CACNG2: variants seen among roughly 807,000 people sequenced by gnomAD.
CACNG2 encodes the protein voltage-dependent calcium channel gamma-2 subunit.
A neutral mutation model predicts 25.9 loss-of-function variants in CACNG2; 3 were observed. That is an observed-to-expected ratio of 0.12 (90% confidence interval 0.05 to 0.30). The LOEUF (loss-of-function observed/expected upper bound fraction) is 0.30. Ranked by LOEUF, CACNG2 falls within the 10% of genes least tolerant of loss-of-function variation. The probability of loss-of-function intolerance (pLI) is 1.00; values close to 1 mark genes in which losing one functional copy is unlikely to be tolerated. For synonymous variants in CACNG2, 167 were observed against 173.3 expected (o/e 0.96, Z 0.29); for missense variants, 341 against 432.5 (o/e 0.79, Z 1.88).
chr22:36,647,898 C>T (rs73884123), intron 1 of CACNG2, among the ~76,000 whole-genome samples: 20,874 of 152,198 alleles, frequency 0.14, 3,840 homozygotes, highest in African/African-American at 0.42. Context: ...CATGTGCATA[C>T]GTGTGTATAT....
At chr22:36,615,754 C>T (rs1021997076) in intron 1 of CACNG2, among the ~76,000 whole-genome samples, 1 of 120,456 alleles carries the variant, frequency 8.3e-6, no homozygotes, top group Non-Finnish European at 1.8e-5. Context: ...GTAGCAGGTG[C>T]TCAGTAAATA....
At chr22:36,632,820 C>A (rs1299985486) in intron 1 of CACNG2, among the ~76,000 whole-genome samples, 1 of 151,702 alleles carries the variant, frequency 6.6e-6, no homozygotes, top group African/African-American at 2.4e-5. Flanking sequence ...ATCCTCAAAC[C>A]TCTCTTCTCT....
chr22:36,655,694 CCTTT>C lies in CACNG2; in HGVS notation c.211+46668_211+46671del, dbSNP rs200916543. On this transcript the variant is annotated intron_variant, in intron 1 of 3. Transcript: ENST00000300105. ...CTTTCTCTTCCTTTCTTCCTTCCTT[CCTTT>C]CTTTCTTTCTCTTTCTCTTTCTTTC... Among the ~76,000 whole-genome samples the C allele has an allele frequency of 9.1e-3, 1,385 of 151,524 alleles. 30 individuals are homozygous for C. The highest frequency in any genetic ancestry group is 0.032 in the African/African-American group (1,293 of 41,008).
At position 36,628,778 on chromosome 22, in the gene CACNG2, C is replaced by A. The variant is rs185905789; in HGVS notation, c.212-41230G>T. On this transcript the variant is annotated intron_variant, in intron 1 of 3. Coordinates refer to ENST00000300105, the MANE Select transcript of CACNG2 (RefSeq NM_006078.5). ...GGATATAATAAGCCCCTCCAACCCC[C>A]ACTGCTTTTTTCTTTTGAAATGAGG... 1.5e-3 allele frequency among the ~76,000 whole-genome samples: 234 copies of A among 152,242 alleles called. 1 individual carries two copies. Among genetic ancestry groups the A allele is most frequent in the African/African-American group, 5.4e-3 (225 of 41,540 alleles).
Position 36,564,313 on chromosome 22 carries a change from GCCCTCCTCCCGCGGT to G in CACNG2, c.*23_*37del, listed in dbSNP as rs773017468. ...GCCCCGCCCCGCCCCCGGGGACCGC[GCCCTCCTCCCGCGGT>G]CTTCTGGCGAGGCCCGCGGTCTTTA... On this transcript the variant is annotated 3_prime_UTR_variant, in exon 4 of 4. Transcript: ENST00000300105. This position sits in a 1 kb window ranked among gnomAD's most constrained non-coding sequence, Gnocchi z 6.7. The G allele has an allele frequency of 6.3e-6, 10 of 1,578,930 alleles. No individual in the cohort carries two copies. Among genetic ancestry groups the G allele is most frequent in the Non-Finnish European group, 7.8e-6 (9 of 1,160,598 alleles).
intron 1 of CACNG2, among the ~76,000 whole-genome samples, chr22:36,665,818 C>A (rs1324315525): frequency 6.6e-6 from 1 of 152,146 alleles, no homozygotes; most frequent in Non-Finnish European, 1.5e-5. Context: ...AATGGTATAG[C>A]CACTGTTAAA....
intron 1 of CACNG2, among the ~76,000 whole-genome samples, chr22:36,626,753 A>G (rs1298905967): frequency 6.6e-6 from 1 of 152,224 alleles, no homozygotes; most frequent in African/African-American, 2.4e-5. Flanking sequence ...CAAGCAGAAA[A>G]GTCCCAGTTG....
At chr22:36,678,628 C>A (rs1246602889) in intron 1 of CACNG2, among the ~76,000 whole-genome samples, 2 of 148,646 alleles carry the variant, frequency 1.3e-5, no homozygotes, top group Admixed American at 1.4e-4. Context: ...CGATAACATT[C>A]CCCCTACAGC....
At chr22:36,612,578 G>T (rs1464600054) in intron 1 of CACNG2, among the ~76,000 whole-genome samples, 1 of 152,314 alleles carries the variant, frequency 6.6e-6, no homozygotes, top group African/African-American at 2.4e-5. Flanking sequence ...TCTTGGAGGA[G>T]AGAGGCCACC....
At position 36,578,744 on chromosome 22, in the gene CACNG2, G is replaced by A. The variant is rs181237818; in HGVS notation, c.295+8721C>T. 1.3e-3 allele frequency among the ~76,000 whole-genome samples: 205 copies of A among 152,282 alleles called. 2 individuals are homozygous for A. The highest frequency in any genetic ancestry group is 6.8e-3 in the Middle Eastern group (2 of 294). On this transcript the variant is annotated intron_variant, in intron 2 of 3. Transcript: ENST00000300105. ...TCCTCCTCTGACCTCATTCTGGGAA[G>A]AGGGTGAACATGCCAGCTGCCCTAG...
intron 1 of CACNG2, among the ~76,000 whole-genome samples, chr22:36,640,748 C>A (rs1408747135): frequency 1.3e-5 from 2 of 152,234 alleles, no homozygotes; most frequent in Non-Finnish European, 2.9e-5. Flanking sequence ...GCAGCCAGAG[C>A]CAGCTTCTGA....
At chr22:36,692,275 C>T (rs537317856) in intron 1 of CACNG2, among the ~76,000 whole-genome samples, 23 of 152,170 alleles carry the variant, frequency 1.5e-4, no homozygotes, top group Non-Finnish European at 2.1e-4. Flanking sequence ...GCTTGTTAGC[C>T]GAAGGAAGGC....
chr22:36,694,264 A>C (rs566719667), intron 1 of CACNG2, among the ~76,000 whole-genome samples: 1 of 152,200 alleles, frequency 6.6e-6, no homozygotes, highest in African/African-American at 2.4e-5. Flanking sequence ...TGGAACATTA[A>C]ATTTGTCCCC....
intron 1 of CACNG2, among the ~76,000 whole-genome samples, chr22:36,687,301 C>T (rs892721082): frequency 3.3e-5 from 5 of 152,232 alleles, no homozygotes; most frequent in African/African-American, 1.2e-4. Flanking sequence ...GTTTAAGACA[C>T]TGCTCATTTA....
chr22:36,667,596 T>C (rs1236899803), intron 1 of CACNG2, among the ~76,000 whole-genome samples: 2 of 152,128 alleles, frequency 1.3e-5, no homozygotes, highest in Non-Finnish European at 2.9e-5. Context: ...AGTAAGCATA[T>C]GCCTAGGTGA....
intron 1 of CACNG2, among the ~76,000 whole-genome samples, chr22:36,668,447 G>A (rs533079327): frequency 6.6e-6 from 1 of 152,192 alleles, no homozygotes; most frequent in African/African-American, 2.4e-5. Context: ...AAAGCTGGTG[G>A]TGCGATTTGG....
intron 2 of CACNG2, among the ~76,000 whole-genome samples, chr22:36,586,005 A>G (rs17735352): frequency 0.027 from 4,141 of 152,340 alleles, 107 homozygotes; most frequent in African/African-American, 0.066. Flanking sequence ...GCATGACATC[A>G]TTCGAGCTCC....
At chr22:36,701,000 T>C (rs762428081) in intron 1 of CACNG2, among the ~76,000 whole-genome samples, 10 of 152,132 alleles carry the variant, frequency 6.6e-5, no homozygotes, top group Non-Finnish European at 1.3e-4. Context: ...TGGCTTTTGC[T>C]CAGTTTGGGT....
intron 1 of CACNG2, among the ~76,000 whole-genome samples, chr22:36,607,503 C>T (rs1322468089): frequency 3.3e-5 from 5 of 152,172 alleles, no homozygotes; most frequent in South Asian, 2.1e-4. Flanking sequence ...CTCAGCCTCC[C>T]GAAGTGCTGG....
Sources: allele counts gnomAD v4.1 joint callset (sites outside exome capture counted in the v4.1 genomes callset), GRCh38; gene constraint gnomAD v4.1.1; non-coding constraint Gnocchi (gnomAD v3.1); transcripts MANE v1.5; gene names NCBI Gene and HGNC (gene_info 2026-07-23, HGNC 2026-07-21).